Variants in SLC4A8 observed in about 807,000 individuals in gnomAD.
SLC4A8 encodes solute carrier family 4 member 8, also known as electroneutral sodium bicarbonate exchanger 1.
In SLC4A8, 40 loss-of-function variants were observed where a neutral mutation model predicts 125.0. That is an observed-to-expected ratio of 0.32 (90% CI 0.25 to 0.42). The LOEUF is 0.42. Ranked by LOEUF, SLC4A8 falls within the 10% of genes least tolerant of loss-of-function variation. The probability of loss-of-function intolerance (pLI) is 1.00; values close to 1 mark genes in which losing one functional copy is unlikely to be tolerated. For missense variants in SLC4A8, 863 were observed against 1,355.1 expected, an observed-to-expected ratio of 0.64 and a Z score of 5.70; for synonymous variants, 456 against 476.0, an observed-to-expected ratio of 0.96 and a Z score of 0.55.
chr12:51,409,126 G>A (rs1171524901), intron 1 of SLC4A8, among the ~76,000 whole-genome samples: 4 of 151,954 alleles, frequency 2.6e-5, no homozygotes, highest in African/African-American at 9.7e-5. Flanking sequence ...CCCAACTCAA[G>A]CAATCCTCCC....
intron 6 of SLC4A8, among the ~76,000 whole-genome samples, chr12:51,458,203 A>G (rs550076880): frequency 3.5e-4 from 54 of 152,298 alleles, no homozygotes; most frequent in African/African-American, 1.3e-3. Flanking sequence ...GTCTCTACTC[A>G]TAGTGAATCA....
intron 1 of SLC4A8, among the ~76,000 whole-genome samples, chr12:51,400,726 T>A (rs1290176527): frequency 1.4e-4 from 6 of 41,894 alleles, no homozygotes; most frequent in South Asian, 1.3e-3. Flanking sequence ...ATGAACTCCT[T>A]TATATATATA....
At chr12:51,392,575 AAAAAAAAAAAAG>A (rs1948150971) in intron 1 of SLC4A8, among the ~76,000 whole-genome samples, 1 of 150,792 alleles carries the variant, frequency 6.6e-6, no homozygotes, top group African/African-American at 2.4e-5. Context: ...CCGTATCAAA[AAAAAAAAAAAAG>A]AAAAAAAGAA....
At chr12:51,433,109 G>T (rs1949251839) in intron 1 of SLC4A8, among the ~76,000 whole-genome samples, 2 of 152,176 alleles carry the variant, frequency 1.3e-5, no homozygotes, top group Admixed American at 1.3e-4. Flanking sequence ...CATTATGTAA[G>T]ACTGAGCTCT....
intron 1 of SLC4A8, among the ~76,000 whole-genome samples, chr12:51,413,839 T>C (rs1355078048): frequency 2.0e-5 from 3 of 152,246 alleles, no homozygotes; most frequent in African/African-American, 7.2e-5. Context: ...TGGTATATTT[T>C]AAAGTCAGGT....
intron 1 of SLC4A8, chr12:51,403,204 G>A (rs890901543): frequency 1.5e-5 from 6 of 392,998 alleles, no homozygotes; most frequent in African/African-American, 1.2e-4. Flanking sequence ...AGCACTCCTC[G>A]CTACCGCCGG....
At chr12:51,429,545 C>T (rs1441043395) in intron 1 of SLC4A8, among the ~76,000 whole-genome samples, 1 of 152,052 alleles carries the variant, frequency 6.6e-6, no homozygotes, top group Non-Finnish European at 1.5e-5. Flanking sequence ...CTCTGTTGCC[C>T]AGGCTGGAGT....
chr12:51,493,166 T>C (rs1345835722), intron 19 of SLC4A8, among the ~76,000 whole-genome samples: 1 of 152,176 alleles, frequency 6.6e-6, no homozygotes, highest in Non-Finnish European at 1.5e-5. Context: ...CATGTTCAAA[T>C]ACTGTGTGGA....
intron 19 of SLC4A8, among the ~76,000 whole-genome samples, chr12:51,493,051 T>G (rs1951360103): frequency 1.3e-5 from 2 of 152,216 alleles, no homozygotes; most frequent in African/African-American, 4.8e-5. Flanking sequence ...AATTTAGTTT[T>G]CAGCTCTGAG....
rs528865522 is a variant in SLC4A8, at chr12:51,512,526, C to T, written c.*5088C>T. ...TCCAACTTCCACCAAACACTCAATC[C>T]GAGTCCTGGCTGCTTTCTTGCTTAG... On this transcript the variant is annotated 3_prime_UTR_variant, in exon 25 of 25. Transcript: ENST00000453097. 4 of 152,294 alleles carry T rather than the reference C, an allele frequency of 2.6e-5. No individual in the cohort carries two copies. Among genetic ancestry groups the T allele is most frequent in the East Asian group, 3.9e-4 (2 of 5,192 alleles). The allele number at this position is 152,294 out of a possible 1,614,324, so 9.4% of individuals were successfully genotyped here.
At chr12:51,435,953 T>C (rs1743713840) in intron 1 of SLC4A8, among the ~76,000 whole-genome samples, 1 of 152,214 alleles carries the variant, frequency 6.6e-6, no homozygotes, top group Non-Finnish European at 1.5e-5. Context: ...AGGTACTAAT[T>C]ATACTCATTG....
At chr12:51,472,908 T>A (rs1404278844) in intron 14 of SLC4A8, among the ~76,000 whole-genome samples, 1 of 152,150 alleles carries the variant, frequency 6.6e-6, no homozygotes, top group Non-Finnish European at 1.5e-5. Context: ...TTTAAAGCAG[T>A]TTTAGGTTCA....
chr12:51,496,480 C>T (rs1366585680), intron 21 of SLC4A8, among the ~76,000 whole-genome samples: 2 of 152,168 alleles, frequency 1.3e-5, no homozygotes, highest in Non-Finnish European at 2.9e-5. Context: ...GAGTGTCAGG[C>T]CAGGCCAGAG....
chr12:51,426,941 C>CTTT (rs555144134), intron 1 of SLC4A8, among the ~76,000 whole-genome samples: 1 of 131,352 alleles, frequency 7.6e-6, no homozygotes, highest in Non-Finnish European at 1.6e-5. Flanking sequence ...TTTTTCTTTT[C>CTTT]TTTTTTTTTT....
chr12:51,431,099 C>T (rs1949171945), intron 1 of SLC4A8, among the ~76,000 whole-genome samples: 1 of 152,072 alleles, frequency 6.6e-6, no homozygotes, highest in Admixed American at 6.5e-5. Context: ...GCCTGCATTC[C>T]TTGGCTCATA....
chr12:51,476,356 C>T (rs1205571120), intron 16 of SLC4A8, among the ~76,000 whole-genome samples: 1 of 152,070 alleles, frequency 6.6e-6, no homozygotes, highest in African/African-American at 2.4e-5. Context: ...TAGCACATGC[C>T]TGTAATCCCA....
Position 51,407,434 on chromosome 12 carries a change from A to AT in SLC4A8, c.-112+15960dup, listed in dbSNP as rs58496155. On this transcript the variant is annotated intron_variant, in intron 1 of 24. Transcript: ENST00000358657. Reference sequence around the variant, plus strand: ...CCATACCTGGCTAATTATAAAAAAAATTTTTTTTTTTTTTGGTAGAAATGA... The same window carrying AT: ...CCATACCTGGCTAATTATAAAAAAAATTTTTTTTTTTTTTTGGTAGAAATGA... Among the ~76,000 whole-genome samples, 160 of 144,592 alleles carry AT rather than the reference A, an allele frequency of 1.1e-3. No individual in the cohort carries two copies. The East Asian group carries it at 0.012, about 11-fold the overall frequency. 94.9% of individuals were successfully genotyped at this position (144,592 alleles called of 152,430 possible).
intron 1 of SLC4A8, chr12:51,391,617 A>AAGCCGC (rs143011477): frequency 0.31 from 47,144 of 151,804 alleles, 8,937 homozygotes; most frequent in Non-Finnish European, 0.42. Flanking sequence ...CGCCGAGGCA[A>AAGCCGC]AGCCGCAGCC....
At chr12:51,503,438 C>T (rs1040488849) in intron 22 of SLC4A8, among the ~76,000 whole-genome samples, 1 of 151,888 alleles carries the variant, frequency 6.6e-6, no homozygotes, top group Non-Finnish European at 1.5e-5. Context: ...GTCTCGATCT[C>T]CTGACTTCAT....
Sources: gnomAD v4.1 joint callset for allele counts (sites outside exome capture counted in the v4.1 genomes callset) on GRCh38, gnomAD v4.1.1 for gene constraint, MANE v1.5 for transcripts, NCBI Gene and HGNC (gene_info 2026-07-23, HGNC 2026-07-21) for gene names.